WNT7B: variants seen among roughly 807,000 people sequenced by gnomAD.
WNT7B encodes the protein protein Wnt-7b.
In WNT7B, 19 loss-of-function variants were observed where a neutral mutation model predicts 38.2. That is an observed-to-expected ratio of 0.50 (90% CI 0.35 to 0.73). The LOEUF is 0.73. Among genes scored for constraint, WNT7B ranks in the 30% least tolerant of loss-of-function variants. The pLI is 0.01. For synonymous variants in WNT7B, 243 were observed against 209.3 expected, an observed-to-expected ratio of 1.16 and a Z score of -1.39; for missense variants, 423 against 507.9, an observed-to-expected ratio of 0.83 and a Z score of 1.61.
At chr22:45,935,947 G>A (rs1458462484) in intron 2 of WNT7B, 3 of 985,136 alleles carry the variant, frequency 3.0e-6, no homozygotes, top group African/African-American at 3.5e-5. Context: ...CTTGGGTCTC[G>A]GGGGGCCTAG....
chr22:45,927,326 C>A (rs1317887385), intron 3 of WNT7B: 16 of 985,300 alleles, frequency 1.6e-5, no homozygotes, highest in Non-Finnish European at 1.9e-5. Flanking sequence ...TGGGGAAGGG[C>A]AGCCAGGGCC....
chr22:45,971,515 T>C (rs1932438435), intron 1 of WNT7B, among the ~76,000 whole-genome samples: 1 of 152,082 alleles, frequency 6.6e-6, no homozygotes, highest in South Asian at 2.1e-4. Context: ...CTCCGCGCTC[T>C]CCCTTGGCCG....
In WNT7B at chr22:45,922,963, T is replaced by G; in HGVS notation, c.943A>C (p.Thr315Pro). 1 of 1,613,262 alleles carries G rather than the reference T, an allele frequency of 6.2e-7. No individual in the cohort carries two copies. The highest frequency in any genetic ancestry group is 1.1e-5 in the South Asian group (1 of 91,084). ...DTMCCGRGYN[T>P]HQYTKVWQCN... ...TGCCACACCTTGGTGTACTGGTGGG[T>G]GTTGTAGCCTCGGCCGCAGCACATG... Residue 315 changes from threonine (T) to proline (P), a missense_variant, in exon 4 of 4, where the codon ACC becomes CCC. Physicochemically the swap from Thr to Pro is conservative, Grantham distance 38. Coordinates refer to ENST00000339464, the MANE Select transcript of WNT7B (RefSeq NM_058238.3).
At chr22:45,968,814 C>T (rs886501093) in intron 1 of WNT7B, among the ~76,000 whole-genome samples, 3 of 152,122 alleles carry the variant, frequency 2.0e-5, no homozygotes, top group East Asian at 1.9e-4. Flanking sequence ...CTCTATGGAA[C>T]GTTCTACACT....
intron 1 of WNT7B, among the ~76,000 whole-genome samples, chr22:45,954,278 CT>C (rs1754650924): frequency 6.6e-6 from 1 of 152,048 alleles, no homozygotes; most frequent in Admixed American, 6.5e-5. Flanking sequence ...CAGGGAGTGG[CT>C]GCCTAATGGG....
At chr22:45,936,108 G>T (rs937682623) in intron 2 of WNT7B, 2 of 985,318 alleles carry the variant, frequency 2.0e-6, no homozygotes, top group African/African-American at 1.7e-5. Flanking sequence ...AGAGCACTGG[G>T]TGGGTTTCTG....
At chr22:45,927,629 C>CTCACACCT (rs1256813710) in intron 3 of WNT7B, 1 of 811,834 alleles carries the variant, frequency 1.2e-6, no homozygotes, top group Non-Finnish European at 2.1e-6. Flanking sequence ...GGTGCAGTGG[C>CTCACACCT]TCACACCTGT....
intron 2 of WNT7B, among the ~76,000 whole-genome samples, chr22:45,942,874 T>C (rs370930293): frequency 2.1e-5 from 3 of 144,098 alleles, no homozygotes; most frequent in East Asian, 4.2e-4. Flanking sequence ...TGTGTGTGCG[T>C]GTGTGCATGT....
In WNT7B at chr22:45,966,942, C is replaced by T. The variant is rs563402269; in HGVS notation, c.71+9742G>A. Among the ~76,000 whole-genome samples, 1 of 152,126 alleles carries T rather than the reference C, an allele frequency of 6.6e-6. No individual in the cohort carries two copies. Among genetic ancestry groups the T allele is most frequent in the South Asian group, 2.1e-4 (1 of 4,826 alleles). On this transcript the variant is annotated intron_variant, in intron 1 of 3. Coordinates refer to ENST00000339464, the MANE Select transcript of WNT7B (RefSeq NM_058238.3). The surrounding 1 kb of genome is among the most constrained non-coding windows in gnomAD (Gnocchi z 4.2). ...CTCACTCCTGCATCTGCTTGTATGCCTCCGGGGCTGGAGAACTCACTGCCT... is the reference window on the plus strand; with the variant it reads ...CTCACTCCTGCATCTGCTTGTATGCTTCCGGGGCTGGAGAACTCACTGCCT...
chr22:45,938,971 G>A (rs1323847524), intron 2 of WNT7B, among the ~76,000 whole-genome samples: 1 of 152,196 alleles, frequency 6.6e-6, no homozygotes, highest in Non-Finnish European at 1.5e-5. Context: ...TTTGTCCAAA[G>A]AAGGTATAAA....
Position 45,922,805 on chromosome 22 carries a change from G to A in WNT7B, c.*51C>T. On this transcript the variant is annotated 3_prime_UTR_variant, in exon 4 of 4. Coordinates refer to ENST00000339464, the MANE Select transcript of WNT7B (RefSeq NM_058238.3). The stretch of plus-strand genomic sequence containing the variant: ...GGCAGGGAAGGTGAGGAGTGGATGT[G>A]CAAAATGCCGCCGGGTTCCAGGGTG... 6.4e-7 allele frequency: 1 copy of A among 1,555,286 alleles called. No individual in the cohort carries two copies. Among genetic ancestry groups the A allele is most frequent in the Middle Eastern group, 2.3e-4 (1 of 4,300 alleles).
At chr22:45,925,555 G>A (rs1177263157) in intron 3 of WNT7B, 1 of 985,002 alleles carries the variant, frequency 1.0e-6, no homozygotes, top group African/African-American at 1.7e-5. Context: ...AGAGTATATT[G>A]GGACCTCCTC....
intron 1 of WNT7B, among the ~76,000 whole-genome samples, chr22:45,959,712 C>T (rs957675718): frequency 2.0e-5 from 3 of 152,304 alleles, no homozygotes; most frequent in Admixed American, 6.5e-5. Context: ...TCTCCCGCCT[C>T]GCTCTGGACT....
intron 3 of WNT7B, among the ~76,000 whole-genome samples, chr22:45,927,740 A>G (rs886391758): frequency 2.1e-5 from 3 of 145,066 alleles, no homozygotes; most frequent in African/African-American, 8.5e-5. Context: ...TACTAACAAT[A>G]CAGAAATTAG....
chr22:45,929,724 TCA>T (rs2146710689), intron 3 of WNT7B, among the ~76,000 whole-genome samples: 1 of 104,602 alleles, frequency 9.6e-6, no homozygotes, highest in African/African-American at 3.5e-5. Flanking sequence ...GTGAATCCAC[TCA>T]CCCATCCACC....
At chr22:45,964,449 G>A (rs546845755) in intron 1 of WNT7B, among the ~76,000 whole-genome samples, 1 of 152,194 alleles carries the variant, frequency 6.6e-6, no homozygotes, top group Non-Finnish European at 1.5e-5. Context: ...GAGTCATGGG[G>A]CACACAGGAG....
At chr22:45,936,771 G>A (rs1230664532) in intron 2 of WNT7B, among the ~76,000 whole-genome samples, 2 of 152,348 alleles carry the variant, frequency 1.3e-5, no homozygotes, top group South Asian at 2.1e-4. Flanking sequence ...ACCATGAGGA[G>A]GATGGTGGGG....
chr22:45,968,527 C>T (rs908004993), intron 1 of WNT7B, among the ~76,000 whole-genome samples: 2 of 152,316 alleles, frequency 1.3e-5, no homozygotes, highest in South Asian at 2.1e-4. Context: ...TTTGGCCTCA[C>T]GGGAAACCAT....
intron 3 of WNT7B, chr22:45,925,305 G>C: frequency 1.0e-6 from 1 of 985,432 alleles, no homozygotes; most frequent in African/African-American, 1.7e-5. Flanking sequence ...TGGAGCTGGG[G>C]TGTTTTCTGC....
Sources: allele counts gnomAD v4.1 joint callset (sites outside exome capture counted in the v4.1 genomes callset), GRCh38; gene constraint gnomAD v4.1.1; non-coding constraint Gnocchi (gnomAD v3.1); transcripts MANE v1.5; gene names NCBI Gene and HGNC (gene_info 2026-07-23, HGNC 2026-07-21).